Variants in ACVR1 observed in about 807,000 individuals in gnomAD.
The protein encoded by ACVR1 is activin receptor type-1.
In ACVR1, 38 loss-of-function variants were observed where a neutral mutation model predicts 57.1. That is an observed-to-expected ratio of 0.67 (90% CI 0.51 to 0.87). ACVR1 has a LOEUF of 0.87. Ranked by LOEUF, ACVR1 falls within the 40% of genes least tolerant of loss-of-function variation. The pLI is 0.00. For synonymous variants in ACVR1, 212 were observed against 228.1 expected (o/e 0.93, Z 0.63); for missense variants, 463 against 638.2 (o/e 0.73, Z 2.96).
At chr2:157,761,420 G>A (rs1276903601) in intron 8 of ACVR1, among the ~76,000 whole-genome samples, 2 of 152,134 alleles carry the variant, frequency 1.3e-5, no homozygotes, top group East Asian at 1.9e-4. Context: ...GAGCCTCTAA[G>A]TGGCTTAACA....
chr2:157,833,638 C>T (rs1364897063), intron 1 of ACVR1, among the ~76,000 whole-genome samples: 2 of 151,466 alleles, frequency 1.3e-5, no homozygotes, highest in South Asian at 2.1e-4. Flanking sequence ...AAAAATTCAA[C>T]GAGTTTCAGG....
chr2:157,859,156 C>T (rs796429202), intron 1 of ACVR1, among the ~76,000 whole-genome samples: 17 of 152,166 alleles, frequency 1.1e-4, no homozygotes, highest in East Asian at 5.8e-4. Context: ...AATAGGAGGT[C>T]GGCACAAGAT....
intron 6 of ACVR1, among the ~76,000 whole-genome samples, chr2:157,772,383 T>C (rs555146746): frequency 6.6e-6 from 1 of 152,254 alleles, no homozygotes; most frequent in East Asian, 1.9e-4. Flanking sequence ...ATGCAGTTCA[T>C]CACATATATT....
chr2:157,788,240 G>A (rs553190133), intron 3 of ACVR1, among the ~76,000 whole-genome samples: 2 of 152,196 alleles, frequency 1.3e-5, no homozygotes, highest in Non-Finnish European at 2.9e-5. Flanking sequence ...CTTATGCACC[G>A]TTTCACTTTC....
At chr2:157,784,244 G>C (rs944476418) in intron 3 of ACVR1, among the ~76,000 whole-genome samples, 1 of 152,174 alleles carries the variant, frequency 6.6e-6, no homozygotes, top group African/African-American at 2.4e-5. Flanking sequence ...AGGGCCACAG[G>C]TATGGGTGTG....
intron 1 of ACVR1, among the ~76,000 whole-genome samples, chr2:157,862,422 TACACACACACACAC>T (rs68077740): frequency 7.7e-5 from 11 of 143,652 alleles, no homozygotes; most frequent in Non-Finnish European, 1.2e-4. Flanking sequence ...CATATACACA[TACACACACACACAC>T]ACACACACAC....
Position 157,770,230 on chromosome 2 carries a change from A to G in ACVR1, c.790+138T>C. The G allele has an allele frequency of 6.9e-6, 6 of 866,710 alleles. No individual in the cohort carries two copies. The South Asian group carries it at 9.4e-5, about 14-fold the overall frequency. 53.7% of individuals were successfully genotyped at this position (866,710 alleles called of 1,614,324 possible). A position where few individuals can be genotyped will look rare whatever the true frequency, so the allele number is the denominator to read the frequency against. On this transcript the variant is annotated intron_variant, in intron 7 of 10. Coordinates refer to ENST00000434821, the MANE Select transcript of ACVR1 (RefSeq NM_001111067.4). ...AAACTGGTGTTTGAGAAAATTAAAC[A>G]GCATATAAATGCTAAGGATCCCTAT... is the stretch of plus-strand genomic sequence containing the variant.
intron 1 of ACVR1, among the ~76,000 whole-genome samples, chr2:157,839,835 G>A (rs981468198): frequency 2.0e-5 from 3 of 152,152 alleles, no homozygotes; most frequent in African/African-American, 7.2e-5. Context: ...CTCTTTTTAT[G>A]AGAATGAAAG....
At chr2:157,867,184 A>G (rs1444158503) in intron 1 of ACVR1, among the ~76,000 whole-genome samples, 1 of 152,296 alleles carries the variant, frequency 6.6e-6, no homozygotes, top group African/African-American at 2.4e-5. Flanking sequence ...CAAAAGTCAC[A>G]TATGTTTGCC....
intron 1 of ACVR1, among the ~76,000 whole-genome samples, chr2:157,851,731 G>A (rs960341295): frequency 6.6e-6 from 1 of 152,094 alleles, no homozygotes; most frequent in East Asian, 1.9e-4. Flanking sequence ...TTCAGTGAAG[G>A]CTGAGGATTC....
At position 157,760,899 on chromosome 2, in the gene ACVR1, G is replaced by A; in HGVS notation, c.1245C>T (p.Ala415=). Residue 415 remains alanine, a synonymous_variant, in exon 9 of 11, where the codon GCC becomes GCT. Transcript: ENST00000434821. The part of the protein sequence containing the change: ...WAFGLVLWEV[A]RRMVSNGIVE... Reference sequence around the variant, plus strand: ...ACCTACCATTGCTCACCATCCGCCTGGCCACTTCCCACAAAACAAGTCCAA... The same window carrying A: ...ACCTACCATTGCTCACCATCCGCCTAGCCACTTCCCACAAAACAAGTCCAA... The A allele has an allele frequency of 6.2e-7, 1 of 1,614,066 alleles. No homozygotes were observed. Among genetic ancestry groups the A allele is most frequent in the Non-Finnish European group, 8.5e-7 (1 of 1,179,980 alleles).
intron 1 of ACVR1, among the ~76,000 whole-genome samples, chr2:157,865,041 G>C (rs1374782353): frequency 7.0e-6 from 1 of 142,552 alleles, no homozygotes; most frequent in East Asian, 2.0e-4. Context: ...TCAAAGTAAA[G>C]CTGTGCTTAG....
chr2:157,792,030 G>T (rs1014824019), intron 3 of ACVR1, among the ~76,000 whole-genome samples: 4 of 152,116 alleles, frequency 2.6e-5, no homozygotes, highest in Non-Finnish European at 4.4e-5. Context: ...CTAATTTGGT[G>T]TAGGTACCAT....
chr2:157,855,464 T>C (rs559967486), intron 1 of ACVR1, among the ~76,000 whole-genome samples: 170 of 151,666 alleles, frequency 1.1e-3, no homozygotes, highest in Non-Finnish European at 2.2e-3. Context: ...GCCACTGTAC[T>C]CCAGACTGGG....
Position 157,875,776 on chromosome 2 carries a change from G to A in ACVR1, c.-183+20C>T, listed in dbSNP as rs937901989. On this transcript the variant is annotated intron_variant, in intron 1 of 10. Transcript: ENST00000434821. ...CAGTCCTCCCGGCTCCAGCAGGCGC[G>A]GCCGGCGACCTGCGCTCACCTCGGG... is the stretch of plus-strand genomic sequence containing the variant. 3 of 151,962 alleles carry A rather than the reference G, an allele frequency of 2.0e-5. No individual in the cohort carries two copies. Among genetic ancestry groups the A allele is most frequent in the African/African-American group, 7.2e-5 (3 of 41,388 alleles). The allele number at this position is 151,962 out of a possible 1,614,324, so 9.4% of individuals were successfully genotyped here. A position where few individuals can be genotyped will look rare whatever the true frequency, so the allele number is the denominator to read the frequency against.
chr2:157,748,734 T>A (rs1340656225), intron 9 of ACVR1, among the ~76,000 whole-genome samples: 1 of 152,156 alleles, frequency 6.6e-6, no homozygotes, highest in Non-Finnish European at 1.5e-5. Context: ...TCAAAGCAGA[T>A]CCACTCTGCT....
chr2:157,800,921 T>C (rs12694937), intron 2 of ACVR1, among the ~76,000 whole-genome samples: 9,933 of 151,894 alleles, frequency 0.065, 669 homozygotes, highest in African/African-American at 0.17. Flanking sequence ...CATTGCCTCC[T>C]CCTGTCATAC....
chr2:157,761,223 G>T, intron 8 of ACVR1, 146 bp from the exon 9 acceptor site: 1 of 733,330 alleles, frequency 1.4e-6, no homozygotes, highest in Non-Finnish European at 2.3e-6. Flanking sequence ...TCCCTAGAAT[G>T]CCCTTTGTGA....
intron 7 of ACVR1, among the ~76,000 whole-genome samples, chr2:157,766,500 G>A (rs1433264459): frequency 6.6e-6 from 1 of 152,120 alleles, no homozygotes; most frequent in African/African-American, 2.4e-5. Flanking sequence ...CATAATGATA[G>A]TGCCAAGCCC....
Sources: gnomAD v4.1 joint callset for allele counts (sites outside exome capture counted in the v4.1 genomes callset) on GRCh38, gnomAD v4.1.1 for gene constraint, MANE v1.5 for transcripts, NCBI Gene and HGNC (gene_info 2026-07-23, HGNC 2026-07-21) for gene names.